Variants in CNST observed in about 807,000 individuals in gnomAD.
CNST encodes the protein consortin.
Under a neutral mutation model 72.4 loss-of-function variants are expected in CNST, and 39 were observed. The observed-to-expected ratio is 0.54, with a 90% CI of 0.42 to 0.70. CNST has a LOEUF of 0.70. CNST is among the 30% of genes least tolerant of loss of function. The pLI is 0.00. For synonymous variants in CNST, 332 were observed against 320.1 expected (o/e 1.04, Z -0.40); for missense variants, 871 against 868.5 (o/e 1.00, Z -0.04).
At chr1:246,568,701 C>A (rs1007563584) in intron 1 of CNST, among the ~76,000 whole-genome samples, 2 of 152,118 alleles carry the variant, frequency 1.3e-5, no homozygotes, top group Non-Finnish European at 2.9e-5. Flanking sequence ...TTCAGCCTCC[C>A]GAGTAGCTGG....
chr1:246,605,238 T>C (rs1468090106), intron 2 of CNST, among the ~76,000 whole-genome samples: 1 of 152,182 alleles, frequency 6.6e-6, no homozygotes, highest in African/African-American at 2.4e-5. Context: ...ATTTGAAAAA[T>C]CCAAAATATG....
chr1:246,575,964 G>C (rs374341147), intron 1 of CNST, among the ~76,000 whole-genome samples: 1 of 149,160 alleles, frequency 6.7e-6, no homozygotes, highest in Admixed American at 6.6e-5. Context: ...GGTGGCTCGC[G>C]CCTGTAACGC....
chr1:246,626,297 C>T (rs1184774184), intron 3 of CNST, among the ~76,000 whole-genome samples: 1 of 151,640 alleles, frequency 6.6e-6, no homozygotes, highest in African/African-American at 2.4e-5. Context: ...GTGATCTTCC[C>T]ACCTTGGTGT....
At chr1:246,633,066 CCTT>C (rs1291840248) in intron 4 of CNST, among the ~76,000 whole-genome samples, 3 of 152,200 alleles carry the variant, frequency 2.0e-5, no homozygotes, top group Non-Finnish European at 4.4e-5. Context: ...AGCATTAAAA[CCTT>C]CTTTTAGTTT....
At chr1:246,583,050 G>C (rs941426609) in intron 1 of CNST, among the ~76,000 whole-genome samples, 12 of 152,154 alleles carry the variant, frequency 7.9e-5, no homozygotes, top group Non-Finnish European at 1.5e-4. Context: ...GGGCAGGGGG[G>C]CCTGTAGGTA....
chr1:246,615,386 A>G (rs1170352343), intron 2 of CNST, among the ~76,000 whole-genome samples: 1 of 151,790 alleles, frequency 6.6e-6, no homozygotes, highest in Non-Finnish European at 1.5e-5. Flanking sequence ...CGTGTTAGCC[A>G]GGATGGTCTC....
chr1:246,611,476 C>T (rs1023676980), intron 2 of CNST, among the ~76,000 whole-genome samples: 3 of 152,074 alleles, frequency 2.0e-5, no homozygotes, highest in Admixed American at 6.6e-5. Context: ...GGAATTAGAT[C>T]GAACTGCTCT....
At chr1:246,593,897 G>A (rs1474379177) in intron 2 of CNST, among the ~76,000 whole-genome samples, 3 of 152,060 alleles carry the variant, frequency 2.0e-5, no homozygotes, top group Non-Finnish European at 4.4e-5. Context: ...GGAGTAGCTC[G>A]GACAACAGGC....
chr1:246,645,423 A>ATTTTTTTT (rs762655117), intron 8 of CNST, among the ~76,000 whole-genome samples: 7 of 106,078 alleles, frequency 6.6e-5, no homozygotes, highest in African/African-American at 2.4e-4. Flanking sequence ...AAAGGTTAAA[A>ATTTTTTTT]CTTTTTTTTT....
chr1:246,602,982 AT>A (rs920739946), intron 2 of CNST, among the ~76,000 whole-genome samples: 44 of 152,292 alleles, frequency 2.9e-4, no homozygotes, highest in African/African-American at 1.0e-3. Flanking sequence ...ATTACAATCA[AT>A]CAAACCTTTC....
intron 9 of CNST, among the ~76,000 whole-genome samples, chr1:246,654,159 C>G (rs935144644): frequency 1.3e-5 from 2 of 152,216 alleles, no homozygotes; most frequent in African/African-American, 4.8e-5. Context: ...CCCACTCTGT[C>G]TCCCCAACGT....
intron 6 of CNST, among the ~76,000 whole-genome samples, chr1:246,641,439 G>A (rs1665683241): frequency 6.6e-6 from 1 of 152,138 alleles, no homozygotes; most frequent in Non-Finnish European, 1.5e-5. Context: ...TTTAAAATAT[G>A]TGTGTGTGAA....
intron 8 of CNST, among the ~76,000 whole-genome samples, chr1:246,644,979 C>G (rs1033921485): frequency 6.6e-6 from 1 of 152,182 alleles, no homozygotes; most frequent in Non-Finnish European, 1.5e-5. Flanking sequence ...TGTTTTCTTG[C>G]AGCCTTACAA....
intron 9 of CNST, among the ~76,000 whole-genome samples, chr1:246,658,469 T>C (rs1279412403): frequency 6.6e-6 from 1 of 150,440 alleles, no homozygotes; most frequent in Non-Finnish European, 1.5e-5. Flanking sequence ...TGTTGGCTTG[T>C]TGATTTTTTT....
At chr1:246,602,970 G>A (rs7512215) in intron 2 of CNST, among the ~76,000 whole-genome samples, 3,504 of 151,912 alleles carry the variant, frequency 0.023, 136 homozygotes, top group African/African-American at 0.081. Flanking sequence ...AAAAAGAAAA[G>A]AATTACAATC....
At chr1:246,605,497 C>T (rs1409359127) in intron 2 of CNST, among the ~76,000 whole-genome samples, 2 of 152,202 alleles carry the variant, frequency 1.3e-5, no homozygotes, top group Non-Finnish European at 2.9e-5. Flanking sequence ...TTAATGCGCG[C>T]CTGGGTGCAG....
At chr1:246,574,842 C>T (rs3120716) in intron 1 of CNST, among the ~76,000 whole-genome samples, 151,749 of 152,266 alleles carry the variant, frequency 1, 75,620 homozygotes, top group Middle Eastern at 1. Context: ...GCAGCTATGG[C>T]TTTATAAGGA....
chr1:246,567,791 A>T (rs951185742), intron 1 of CNST, among the ~76,000 whole-genome samples: 6 of 151,082 alleles, frequency 4.0e-5, no homozygotes, highest in Non-Finnish European at 8.8e-5. Context: ...TCTCACTGAC[A>T]ATTTTCTAGA....
intron 2 of CNST, among the ~76,000 whole-genome samples, chr1:246,593,866 G>A (rs548156570): frequency 2.0e-5 from 3 of 152,088 alleles, no homozygotes; most frequent in Non-Finnish European, 2.9e-5. Flanking sequence ...AGGCACAAGC[G>A]ATTCTCCCAC....
Sources: allele counts gnomAD v4.1 joint callset (sites outside exome capture counted in the v4.1 genomes callset), GRCh38; gene constraint gnomAD v4.1.1; transcripts MANE v1.5; gene names NCBI Gene and HGNC (gene_info 2026-07-23, HGNC 2026-07-21).